Variants in FAM107B observed in about 807,000 individuals in gnomAD.
FAM107B encodes family with sequence similarity 107 member B.
FAM107B carries 21 observed loss-of-function variants against 31.5 expected under a neutral mutation model. The ratio of observed to expected loss-of-function variants is 0.67; its 90% confidence interval spans 0.47 to 0.96. The LOEUF is 0.96. Among genes scored for constraint, FAM107B ranks in the 40% least tolerant of loss-of-function variants. FAM107B has a pLI of 0.00. For synonymous variants in FAM107B, 157 were observed against 141.5 expected (o/e 1.11, Z -0.78); for missense variants, 452 against 377.1 (o/e 1.20, Z -1.64).
In FAM107B at chr10:14,617,807, GC is replaced by G. The variant is rs200100647; in HGVS notation, c.469+49826del. 8.9e-3 allele frequency among the ~76,000 whole-genome samples: 1,349 copies of G among 151,652 alleles called. 21 individuals carry two copies. Among genetic ancestry groups the G allele is most frequent in the African/African-American group, 0.03 (1,254 of 41,308 alleles). On this transcript the variant is annotated intron_variant, in intron 2 of 4. Coordinates refer to ENST00000181796, the MANE Select transcript of FAM107B (RefSeq NM_031453.4). Reference sequence around the variant, plus strand: ...ACAGGCCCATGACCCAGAGTTTGGTGCCTAATTACCATGGTGGCGCATGCCT... The same window carrying G: ...ACAGGCCCATGACCCAGAGTTTGGTGCTAATTACCATGGTGGCGCATGCCT...
intron 2 of FAM107B, among the ~76,000 whole-genome samples, chr10:14,588,980 G>A (rs10906708): frequency 0.26 from 39,002 of 151,704 alleles, 5,169 homozygotes; most frequent in Admixed American, 0.34. Context: ...TCAGGAGTTC[G>A]AGACCAGCCT....
chr10:14,564,959 C>T (rs1850540216), intron 2 of FAM107B, among the ~76,000 whole-genome samples: 1 of 152,150 alleles, frequency 6.6e-6, no homozygotes, highest in African/African-American at 2.4e-5. Flanking sequence ...GTGGCTCATG[C>T]CTGTAATCCC....
chr10:14,771,196 T>C (rs2131601073), intron 1 of FAM107B, among the ~76,000 whole-genome samples: 1 of 152,244 alleles, frequency 6.6e-6, no homozygotes, highest in Admixed American at 6.5e-5. Flanking sequence ...AATCAGAAGA[T>C]CTCAAAGCAA....
At chr10:14,533,572 A>C (rs1031292194) in intron 2 of FAM107B, among the ~76,000 whole-genome samples, 1 of 152,170 alleles carries the variant, frequency 6.6e-6, no homozygotes, top group East Asian at 1.9e-4. Flanking sequence ...GGCCCTCTGC[A>C]GTCTCAGGCT....
intron 2 of FAM107B, among the ~76,000 whole-genome samples, chr10:14,545,630 C>T (rs541119609): frequency 2.0e-5 from 3 of 152,224 alleles, no homozygotes; most frequent in African/African-American, 4.8e-5. Flanking sequence ...TTCCAAACCA[C>T]CTGGCCACCA....
rs374205824 is a variant in FAM107B at position 14,622,016 on chromosome 10, C to T, written c.469+45618G>A. On this transcript the variant is annotated intron_variant, in intron 2 of 4. Coordinates refer to ENST00000181796, the MANE Select transcript of FAM107B (RefSeq NM_031453.4). The stretch of plus-strand genomic sequence containing the variant: ...CATCTTAAATACCCCAAAACATGAC[C>T]GCTTATACCAACAAAGCTTTTCCAC... 2.2e-4 allele frequency among the ~76,000 whole-genome samples: 33 copies of T among 152,252 alleles called. 1 individual carries two copies. The highest frequency in any genetic ancestry group is 1.7e-3 in the East Asian group (9 of 5,186).
chr10:14,684,889 T>C (rs1305624853), intron 1 of FAM107B, among the ~76,000 whole-genome samples: 1 of 151,752 alleles, frequency 6.6e-6, no homozygotes, highest in African/African-American at 2.4e-5. Context: ...GGAGCAATCT[T>C]GGCTCACGGC....
chr10:14,589,078 A>C (rs1394643392), intron 2 of FAM107B, among the ~76,000 whole-genome samples: 1 of 151,644 alleles, frequency 6.6e-6, no homozygotes, highest in African/African-American at 2.4e-5. Context: ...GCTACTTGGG[A>C]GGCTGAGGCA....
At chr10:14,747,672 C>A (rs572239257) in intron 1 of FAM107B, among the ~76,000 whole-genome samples, 1 of 152,304 alleles carries the variant, frequency 6.6e-6, no homozygotes, top group African/African-American at 2.4e-5. Flanking sequence ...CCTGCTCCTT[C>A]CTCTGGGATC....
At chr10:14,597,898 C>T (rs1041596617) in intron 2 of FAM107B, among the ~76,000 whole-genome samples, 3 of 151,964 alleles carry the variant, frequency 2.0e-5, no homozygotes, top group Non-Finnish European at 4.4e-5. Flanking sequence ...TGCAGTGAGC[C>T]GAGATGGCAC....
chr10:14,720,730 T>C (rs962450382), intron 1 of FAM107B, among the ~76,000 whole-genome samples: 7 of 152,292 alleles, frequency 4.6e-5, no homozygotes, highest in East Asian at 1.9e-4. Context: ...AGGCAAACAT[T>C]TGAAGAACCA....
In FAM107B at chr10:14,566,032, G is replaced by A. The variant is rs532347203; in HGVS notation, c.470-35517C>T. Among the ~76,000 whole-genome samples, 94 of 152,314 alleles carry A rather than the reference G, an allele frequency of 6.2e-4. 2 individuals carry two copies. Among genetic ancestry groups the A allele is most frequent in the Admixed American group, 2.2e-3 (34 of 15,306 alleles). On this transcript the variant is annotated intron_variant, in intron 2 of 4. Transcript: ENST00000181796. The stretch of plus-strand genomic sequence containing the variant: ...GGACCTTCACAGCCCCCATGCCTGA[G>A]GGGCCCTACGCTTCGTTTAGTGCTT...
chr10:14,549,170 C>A (rs1389477181), intron 2 of FAM107B, among the ~76,000 whole-genome samples: 1 of 152,196 alleles, frequency 6.6e-6, no homozygotes, highest in Non-Finnish European at 1.5e-5. Flanking sequence ...AAACCAACAT[C>A]TATTGTTTAA....
At chr10:14,685,549 G>A (rs977140954) in intron 1 of FAM107B, among the ~76,000 whole-genome samples, 1 of 152,114 alleles carries the variant, frequency 6.6e-6, no homozygotes, top group Non-Finnish European at 1.5e-5. Context: ...GGCAAGTTAG[G>A]GTGCCCTTCT....
chr10:14,600,217 G>C (rs951054876), intron 2 of FAM107B, among the ~76,000 whole-genome samples: 3 of 152,212 alleles, frequency 2.0e-5, no homozygotes, highest in African/African-American at 7.2e-5. Context: ...GGCCAGCTCA[G>C]GACACCACGT....
chr10:14,584,991 T>A lies in FAM107B; in HGVS notation c.470-54476A>T, dbSNP rs77108059. Among the ~76,000 whole-genome samples, 529 of 152,288 alleles carry A rather than the reference T, an allele frequency of 3.5e-3. 1 individual carries two copies. Among genetic ancestry groups the A allele is most frequent in the East Asian group, 0.031 (161 of 5,182 alleles). On this transcript the variant is annotated intron_variant, in intron 2 of 4. Coordinates refer to ENST00000181796, the MANE Select transcript of FAM107B (RefSeq NM_031453.4). ...TTTGTAACTTCGCTTCAGCCTCTGA[T>A]TGCTCCCCTCTTGCTGATTCAAATA...
In FAM107B at chr10:14,658,439, G is replaced by A. The variant is rs1385314611; in HGVS notation, c.469+9195C>T. On this transcript the variant is annotated intron_variant, in intron 2 of 4. Coordinates refer to ENST00000181796, the MANE Select transcript of FAM107B (RefSeq NM_031453.4). Reference sequence around the variant, plus strand: ...ATGTCTGACTCATCTTTGACTCTCCGTGGATTAGCATGGTTTGCTTTATAT... The same window carrying A: ...ATGTCTGACTCATCTTTGACTCTCCATGGATTAGCATGGTTTGCTTTATAT... 3.3e-5 allele frequency among the ~76,000 whole-genome samples: 5 copies of A among 152,308 alleles called. No homozygotes were observed. The South Asian group carries it at 6.2e-4, about 19-fold the overall frequency.
chr10:14,553,603 G>A (rs1849453222), intron 2 of FAM107B: 1 of 308,782 alleles, frequency 3.2e-6, no homozygotes, highest in Non-Finnish European at 6.4e-6. Flanking sequence ...AAAGAGTAGG[G>A]GAGACACTAA....
At chr10:14,690,262 C>T (rs952539837) in intron 1 of FAM107B, among the ~76,000 whole-genome samples, 1 of 152,186 alleles carries the variant, frequency 6.6e-6, no homozygotes, top group Non-Finnish European at 1.5e-5. Context: ...CTCTCACCTT[C>T]AGGTCACTGA....
Sources: allele counts gnomAD v4.1 joint callset (sites outside exome capture counted in the v4.1 genomes callset), GRCh38; gene constraint gnomAD v4.1.1; transcripts MANE v1.5; gene names NCBI Gene and HGNC (gene_info 2026-07-23, HGNC 2026-07-21).